SFMBT1: variants seen among roughly 807,000 people sequenced by gnomAD.
SFMBT1 encodes the protein scm-like with four MBT domains protein 1.
SFMBT1 carries 32 observed loss-of-function variants against 108.7 expected under a neutral mutation model. The ratio of observed to expected loss-of-function variants is 0.29; its 90% confidence interval spans 0.22 to 0.40. SFMBT1 has a LOEUF of 0.40. Among genes scored for constraint, SFMBT1 ranks in the 10% least tolerant of loss-of-function variants. The pLI is 1.00. For synonymous variants in SFMBT1, 348 were observed against 369.5 expected, an observed-to-expected ratio of 0.94 and a Z score of 0.67; for missense variants, 816 against 1,059.6, an observed-to-expected ratio of 0.77 and a Z score of 3.19.
At chr3:52,907,898 G>C (rs573926314) in intron 17 of SFMBT1, among the ~76,000 whole-genome samples, 165 bp from the exon 18 acceptor site, 1 of 152,082 alleles carries the variant, frequency 6.6e-6, no homozygotes, top group Non-Finnish European at 1.5e-5. Flanking sequence ...GGTTTGACTA[G>C]TACTGAATGA....
intron 12 of SFMBT1, among the ~76,000 whole-genome samples, chr3:52,920,298 T>C (rs917159391): frequency 3.9e-5 from 6 of 152,180 alleles, no homozygotes; most frequent in African/African-American, 1.4e-4. Flanking sequence ...GGCTGACACT[T>C]TGAGTGCAGC....
intron 1 of SFMBT1, among the ~76,000 whole-genome samples, chr3:53,011,069 C>T (rs1698927644): frequency 6.6e-6 from 1 of 152,162 alleles, no homozygotes; most frequent in African/African-American, 2.4e-5. Context: ...AAGGATTTTA[C>T]AGTTACAGAT....
At chr3:53,008,632 C>A (rs1309339945) in intron 1 of SFMBT1, among the ~76,000 whole-genome samples, 3 of 139,272 alleles carry the variant, frequency 2.2e-5, no homozygotes, top group Non-Finnish European at 4.7e-5. Flanking sequence ...CCTAGGTAGA[C>A]TTTTTTTTTT....
intron 3 of SFMBT1, 138 bp downstream of exon 3, chr3:52,954,179 G>A: frequency 3.2e-6 from 2 of 629,664 alleles, no homozygotes; most frequent in East Asian, 3.0e-5. Context: ...TCTTACTAAG[G>A]GTGGCAGGAG....
chr3:52,994,050 G>A (rs569438912), intron 1 of SFMBT1, among the ~76,000 whole-genome samples: 54 of 150,432 alleles, frequency 3.6e-4, no homozygotes, highest in African/African-American at 1.3e-3. Context: ...GTTTCCAACA[G>A]AAGGGTTTAT....
At position 52,999,703 on chromosome 3, in the gene SFMBT1, G is replaced by C. The variant is rs530954698; in HGVS notation, c.-130-30445C>G. Among the ~76,000 whole-genome samples, 142 of 149,958 alleles carry C rather than the reference G, an allele frequency of 9.5e-4. 2 individuals are homozygous for C. The highest frequency in any genetic ancestry group is 3.2e-3 in the African/African-American group (134 of 41,322). ...GCCACTTGCCATGACTCCCTGAGCAGGGTGAGCCCCCACTCATCCTGTGCC... is the reference window on the plus strand; with the variant it reads ...GCCACTTGCCATGACTCCCTGAGCACGGTGAGCCCCCACTCATCCTGTGCC... On this transcript the variant is annotated intron_variant, in intron 1 of 20. Coordinates refer to ENST00000394752, the MANE Select transcript of SFMBT1 (RefSeq NM_016329.4).
At chr3:52,945,567 G>T (rs540548867) in intron 3 of SFMBT1, among the ~76,000 whole-genome samples, 87 of 152,066 alleles carry the variant, frequency 5.7e-4, no homozygotes, top group African/African-American at 1.9e-3. Flanking sequence ...CAGTACTTTG[G>T]GAGGCCGAGG....
At chr3:52,971,239 T>C (rs1389482186) in intron 1 of SFMBT1, among the ~76,000 whole-genome samples, 1 of 152,218 alleles carries the variant, frequency 6.6e-6, no homozygotes, top group African/African-American at 2.4e-5. Flanking sequence ...ATTATGTCCA[T>C]TTTTTATCTA....
At position 53,030,659 on chromosome 3, in the gene SFMBT1, A is replaced by G. The variant is rs1025273559; in HGVS notation, c.-131+15157T>C. ...TTTCACCCTCCTCCTTTAAAATTAC[A>G]GTAACTTTCAACTGGCCATAATGCA... is the stretch of plus-strand genomic sequence containing the variant. On this transcript the variant is annotated intron_variant, in intron 1 of 20. Coordinates refer to ENST00000394752, the MANE Select transcript of SFMBT1 (RefSeq NM_016329.4). Among the ~76,000 whole-genome samples, 4 of 143,456 alleles carry G rather than the reference A, an allele frequency of 2.8e-5. No individual in the cohort carries two copies. The South Asian group carries it at 7.0e-4, about 25-fold the overall frequency. The allele number at this position is 143,456 out of a possible 152,430, so 94.1% of individuals were successfully genotyped here.
chr3:53,028,379 G>A (rs1044767912), intron 1 of SFMBT1, among the ~76,000 whole-genome samples: 2 of 152,170 alleles, frequency 1.3e-5, no homozygotes, highest in South Asian at 2.1e-4. Context: ...ACCATGCCTC[G>A]CTTTCAGACC....
chr3:52,914,178 G>T (rs1702283958), intron 14 of SFMBT1, among the ~76,000 whole-genome samples: 1 of 152,122 alleles, frequency 6.6e-6, no homozygotes, highest in African/African-American at 2.4e-5. Context: ...GTATAACTGG[G>T]TCTGGAGACC....
At chr3:52,981,857 G>A (rs1056965444) in intron 1 of SFMBT1, among the ~76,000 whole-genome samples, 6 of 152,032 alleles carry the variant, frequency 3.9e-5, no homozygotes, top group Admixed American at 2.0e-4. Context: ...TAACCCCCAC[G>A]CCTCGAAGGG....
In SFMBT1 at chr3:52,943,341, G is replaced by T. The variant is rs752989411; in HGVS notation, c.364+12C>A. 31 of 1,613,986 alleles carry T rather than the reference G, an allele frequency of 1.9e-5. No individual in the cohort carries two copies. The highest frequency in any genetic ancestry group is 1.4e-5 in the Non-Finnish European group (17 of 1,179,984). On this transcript the variant is annotated intron_variant, in intron 4 of 20. Coordinates refer to ENST00000394752, the MANE Select transcript of SFMBT1 (RefSeq NM_016329.4). ...AAATCACGTCACGTCTTGATAGGAA[G>T]TATTTCATTACCTTCTGGGGCTTCA...
intron 4 of SFMBT1, among the ~76,000 whole-genome samples, chr3:52,939,908 A>C (rs946671986): frequency 6.6e-6 from 1 of 151,592 alleles, no homozygotes; most frequent in Non-Finnish European, 1.5e-5. Flanking sequence ...TCCCTTTTTT[A>C]ATCCTTTCAT....
At chr3:52,924,467 C>T (rs567637302) in intron 10 of SFMBT1, among the ~76,000 whole-genome samples, 1 of 151,992 alleles carries the variant, frequency 6.6e-6, no homozygotes, top group Non-Finnish European at 1.5e-5. Flanking sequence ...CATGGTGAAA[C>T]CCAGTCTCTG....
chr3:53,042,348 GGTTT>G (rs1446419175), intron 1 of SFMBT1, among the ~76,000 whole-genome samples: 17 of 152,278 alleles, frequency 1.1e-4, no homozygotes, highest in African/African-American at 3.1e-4. Flanking sequence ...TGGGTTGGTT[GGTTT>G]GTTTTTTGAG....
chr3:52,929,050 C>CTTTCTCCTTATTT (rs1190850062), intron 8 of SFMBT1, among the ~76,000 whole-genome samples: 4 of 151,898 alleles, frequency 2.6e-5, no homozygotes, highest in African/African-American at 4.8e-5. Context: ...AGAATGAGTT[C>CTTTCTCCTTATTT]AAACAGAGGT....
chr3:52,954,239 T>C (rs941459690), intron 3 of SFMBT1, 78 bp downstream of exon 3: 24 of 1,140,682 alleles, frequency 2.1e-5, no homozygotes, highest in Admixed American at 9.1e-5. Context: ...TAAAATAACT[T>C]TAAATTCTCT....
intron 1 of SFMBT1, among the ~76,000 whole-genome samples, chr3:52,985,863 C>T (rs564752896): frequency 2.0e-5 from 3 of 152,070 alleles, no homozygotes; most frequent in African/African-American, 7.2e-5. Flanking sequence ...AAAAATGAGG[C>T]CAGGCGAGGT....
Sources: gnomAD v4.1 joint callset for allele counts (sites outside exome capture counted in the v4.1 genomes callset) on GRCh38, gnomAD v4.1.1 for gene constraint, MANE v1.5 for transcripts, NCBI Gene and HGNC (gene_info 2026-07-23, HGNC 2026-07-21) for gene names.